Variants in TDRD10 observed in about 807,000 individuals in gnomAD.
TDRD10 encodes tudor domain-containing protein 10.
In TDRD10, 40 loss-of-function variants were observed where a neutral mutation model predicts 48.0. The ratio of observed to expected loss-of-function variants is 0.83; its 90% CI spans 0.65 to 1.09. The LOEUF (loss-of-function observed/expected upper bound fraction) is 1.09. TDRD10 is among the 50% of genes least tolerant of loss of function. The pLI, the probability that TDRD10 is intolerant of heterozygous loss-of-function variation, is 0.00. For missense variants in TDRD10, 378 were observed against 434.7 expected, an observed-to-expected ratio of 0.87 and a Z score of 1.16; for synonymous variants, 162 against 170.4, an observed-to-expected ratio of 0.95 and a Z score of 0.38.
Position 154,544,128 on chromosome 1 carries a change from G to GC in TDRD10, c.651+23dup. On this transcript the variant is annotated intron_variant, in intron 9 of 12. Coordinates refer to ENST00000368482, the MANE Select transcript of TDRD10 (RefSeq NM_182499.4). ...TCACTGAGGTATGGACTGGTTGTTG[G>GC]CCCCCTCAGGCTCCTGTGCCTTCCT... is the stretch of plus-strand genomic sequence containing the variant. 6.2e-7 allele frequency: 1 copy of GC among 1,614,046 alleles called. No homozygotes were observed. Among genetic ancestry groups the GC allele is most frequent in the Non-Finnish European group, 8.5e-7 (1 of 1,179,972 alleles).
At chr1:154,542,267 A>C (rs907466366) in intron 7 of TDRD10, among the ~76,000 whole-genome samples, 1 of 151,988 alleles carries the variant, frequency 6.6e-6, no homozygotes, top group Non-Finnish European at 1.5e-5. Flanking sequence ...TTCCTCTGTC[A>C]CCCAGGTTAT....
At chr1:154,541,249 G>T (rs772955688) in intron 6 of TDRD10, among the ~76,000 whole-genome samples, 4 of 150,360 alleles carry the variant, frequency 2.7e-5, no homozygotes, top group East Asian at 2.0e-4. Context: ...GAGGGAGCAG[G>T]TCCATGCAGG....
At chr1:154,530,122 C>A (rs1290856841) in intron 6 of TDRD10, among the ~76,000 whole-genome samples, 19 of 152,146 alleles carry the variant, frequency 1.2e-4, no homozygotes, top group Non-Finnish European at 2.8e-4. Flanking sequence ...TCAAGTGATT[C>A]TCCTGCCTCA....
Position 154,518,539 on chromosome 1 carries a change from T to C in TDRD10, c.142-1765T>C, listed in dbSNP as rs1405602714. Among the ~76,000 whole-genome samples the C allele has an allele frequency of 2.0e-5, 3 of 152,192 alleles. No individual in the cohort carries two copies. In the East Asian group the frequency reaches 5.8e-4, roughly 29 times the overall value. ...ACCTCCCGGGTTCACGCCATTCTCCTGCCTCAGCCTTCTGAGTAGCTGGGA... is the reference window on the plus strand; with the variant it reads ...ACCTCCCGGGTTCACGCCATTCTCCCGCCTCAGCCTTCTGAGTAGCTGGGA... On this transcript the variant is annotated intron_variant, in intron 4 of 12. Transcript: ENST00000368482.
intron 2 of TDRD10, 100 bp downstream of exon 2, chr1:154,507,005 C>T: frequency 1.2e-6 from 2 of 1,608,608 alleles, no homozygotes; most frequent in African/African-American, 1.3e-5. Context: ...TAAGAGTCAC[C>T]CCTGGCATCT....
chr1:154,544,156 G>A lies in TDRD10; in HGVS notation c.651+46G>A, dbSNP rs141712707. ...CCCTCAGGCTCCTGTGCCTTCCTGC[G>A]TGGCCTCCCTAGGGTGGGCATGGTG... is the stretch of plus-strand genomic sequence containing the variant. On this transcript the variant is annotated intron_variant, in intron 9 of 12. Coordinates refer to ENST00000368482, the MANE Select transcript of TDRD10 (RefSeq NM_182499.4). The A allele has an allele frequency of 5.2e-5, 84 of 1,612,854 alleles. No homozygotes were observed. The East Asian group carries it at 8.9e-4, about 17-fold the overall frequency.
chr1:154,538,550 CAAA>C (rs59257227), intron 6 of TDRD10, among the ~76,000 whole-genome samples: 6 of 57,306 alleles, frequency 1.0e-4, no homozygotes, highest in Non-Finnish European at 1.2e-4. Flanking sequence ...AACTCTATCT[CAAA>C]AAAAAAAAAA....
At chr1:154,508,050 A>G (rs1693247234) in intron 3 of TDRD10, among the ~76,000 whole-genome samples, 1 of 152,154 alleles carries the variant, frequency 6.6e-6, no homozygotes, top group Admixed American at 6.5e-5. Flanking sequence ...GTCCCTGCAG[A>G]GTGATCCCCT....
intron 3 of TDRD10, 25 bp downstream of exon 3, chr1:154,507,345 G>A: frequency 6.2e-7 from 1 of 1,612,624 alleles, no homozygotes; most frequent in Non-Finnish European, 8.5e-7. Context: ...GGGATTCGCT[G>A]GTGCTGGGAC....
chr1:154,526,059 G>A (rs1323746449), intron 6 of TDRD10, among the ~76,000 whole-genome samples: 1 of 151,516 alleles, frequency 6.6e-6, no homozygotes, highest in Non-Finnish European at 1.5e-5. Context: ...ACAAAAATTA[G>A]CCAGGCGTGG....
chr1:154,525,528 A>T (rs1252403132), intron 6 of TDRD10, among the ~76,000 whole-genome samples: 1 of 152,216 alleles, frequency 6.6e-6, no homozygotes. Context: ...AGCAAAGAAG[A>T]AAGGTTGAAT....
intron 4 of TDRD10, among the ~76,000 whole-genome samples, chr1:154,511,381 C>T (rs1693464585): frequency 6.6e-6 from 1 of 151,960 alleles, no homozygotes; most frequent in Admixed American, 6.5e-5. Context: ...TGCCTGTAAT[C>T]CCAGCACTTT....
chr1:154,543,467 G>C (rs1374093561), intron 8 of TDRD10, among the ~76,000 whole-genome samples: 1 of 152,158 alleles, frequency 6.6e-6, no homozygotes. Flanking sequence ...AAATGCTGTA[G>C]GGTGTCATTA....
chr1:154,503,278 C>T (rs1405757242), intron 1 of TDRD10, among the ~76,000 whole-genome samples: 1 of 152,110 alleles, frequency 6.6e-6, no homozygotes. Flanking sequence ...TTCCTCCCTC[C>T]CTTCGAAGCC....
At chr1:154,504,586 T>A (rs750885772) in intron 1 of TDRD10, among the ~76,000 whole-genome samples, 4 of 152,182 alleles carry the variant, frequency 2.6e-5, no homozygotes, top group Non-Finnish European at 4.4e-5. Context: ...TGATATGAAG[T>A]GTTATCTTTG....
intron 6 of TDRD10, among the ~76,000 whole-genome samples, chr1:154,526,148 T>C (rs1480071609): frequency 1.4e-5 from 2 of 148,102 alleles, no homozygotes; most frequent in Non-Finnish European, 3.0e-5. Flanking sequence ...GAGGTTGCAG[T>C]GAGCCAAGAT....
At chr1:154,538,904 G>A (rs1207043188) in intron 6 of TDRD10, among the ~76,000 whole-genome samples, 1 of 147,624 alleles carries the variant, frequency 6.8e-6, no homozygotes, top group Non-Finnish European at 1.5e-5. Flanking sequence ...TTGGTTTAGC[G>A]AGGAAAGGTT....
Position 154,502,541 on chromosome 1 carries a change from G to A in TDRD10, c.-516G>A, listed in dbSNP as rs1359748035. ...GTGAGCGCCATGGCAGAGGCGGGTC[G>A]GGCTGCGAGCTCTGGAGAAAGGGGC... On this transcript the variant is annotated 5_prime_UTR_variant, in exon 1 of 13. Coordinates refer to ENST00000368482, the MANE Select transcript of TDRD10 (RefSeq NM_182499.4). 6.6e-6 allele frequency: 1 copy of A among 152,196 alleles called. No individual in the cohort carries two copies. Among genetic ancestry groups the A allele is most frequent in the Non-Finnish European group, 1.5e-5 (1 of 68,064 alleles). The allele number at this position is 152,196 out of a possible 1,614,324, so 9.4% of individuals were successfully genotyped here.
intron 6 of TDRD10, among the ~76,000 whole-genome samples, chr1:154,538,482 A>G (rs368716850): frequency 7.1e-5 from 10 of 141,334 alleles, no homozygotes; most frequent in East Asian, 2.4e-4. Context: ...CCTGGGAGGT[A>G]GAGGTTGCGG....
Sources: allele counts gnomAD v4.1 joint callset (sites outside exome capture counted in the v4.1 genomes callset), GRCh38; gene constraint gnomAD v4.1.1; transcripts MANE v1.5; gene names NCBI Gene and HGNC (gene_info 2026-07-23, HGNC 2026-07-21).